The following CSMD3 variants were observed in gnomAD, a reference collection of about 807,000 sequenced individuals.
CSMD3 encodes CUB and Sushi multiple domains 3, also known as CUB and sushi domain-containing protein 3.
In CSMD3, 177 loss-of-function variants were observed where a neutral mutation model predicts 435.2. The ratio of observed to expected loss-of-function variants is 0.41; its 90% confidence interval spans 0.36 to 0.46. The LOEUF (loss-of-function observed/expected upper bound fraction) is 0.46. CSMD3 is among the 20% of genes least tolerant of loss of function. The pLI is 0.34. For missense variants in CSMD3, 4,265 were observed against 4,504.6 expected, an observed-to-expected ratio of 0.95 and a Z score of 1.52; for synonymous variants, 1,656 against 1,520.5, an observed-to-expected ratio of 1.09 and a Z score of -2.07.
At chr8:113,288,233 T>C (rs923877877) in intron 2 of CSMD3, among the ~76,000 whole-genome samples, 1 of 151,844 alleles carries the variant, frequency 6.6e-6, no homozygotes, top group African/African-American at 2.4e-5. Context: ...ATGGCTGATA[T>C]TTAAAGTAGA....
chr8:112,957,296 G>C (rs1034752754), intron 7 of CSMD3, among the ~76,000 whole-genome samples: 1 of 152,046 alleles, frequency 6.6e-6, no homozygotes, highest in Non-Finnish European at 1.5e-5. Flanking sequence ...TCAGTAATAA[G>C]CATGTAAAAT....
intron 17 of CSMD3, among the ~76,000 whole-genome samples, chr8:112,660,265 C>A (rs944140164): frequency 5.9e-5 from 9 of 152,142 alleles, no homozygotes; most frequent in Middle Eastern, 3.4e-3. Flanking sequence ...AAAAATAAAG[C>A]ACCAAGACAT....
intron 4 of CSMD3, among the ~76,000 whole-genome samples, chr8:113,167,847 T>G (rs571830149): frequency 6.6e-6 from 1 of 152,320 alleles, no homozygotes; most frequent in African/African-American, 2.4e-5. Flanking sequence ...ATTAAGAAAC[T>G]AGATCTCTAT....
At chr8:112,952,883 A>G (rs1160380620) in intron 8 of CSMD3, among the ~76,000 whole-genome samples, 1 of 151,432 alleles carries the variant, frequency 6.6e-6, no homozygotes, top group African/African-American at 2.4e-5. Context: ...TTTTTTTCCT[A>G]GATATACACC....
At chr8:112,855,974 C>T (rs997619537) in intron 11 of CSMD3, among the ~76,000 whole-genome samples, 7 of 151,640 alleles carry the variant, frequency 4.6e-5, no homozygotes, top group African/African-American at 1.7e-4. Flanking sequence ...CTTGGAAAAA[C>T]AAGTATAAGA....
At chr8:112,405,890 T>C (rs113945965) in intron 35 of CSMD3, among the ~76,000 whole-genome samples, 1,734 of 152,196 alleles carry the variant, frequency 0.011, 32 homozygotes, top group African/African-American at 0.04. Flanking sequence ...ATAATATTTA[T>C]TTCAAAGGAT....
intron 10 of CSMD3, among the ~76,000 whole-genome samples, chr8:112,893,526 T>C (rs1027633190): frequency 1.4e-4 from 21 of 151,610 alleles, no homozygotes; most frequent in African/African-American, 4.1e-4. Context: ...CTGGCTTAGA[T>C]AAAGTAACTA....
chr8:112,416,853 T>C (rs1811967193), intron 32 of CSMD3, among the ~76,000 whole-genome samples: 1 of 151,940 alleles, frequency 6.6e-6, no homozygotes, highest in African/African-American at 2.4e-5. Flanking sequence ...AGGGAAGAGA[T>C]TCAAATCCTA....
intron 59 of CSMD3, among the ~76,000 whole-genome samples, chr8:112,278,826 C>T (rs73709210): frequency 0.03 from 4,504 of 152,214 alleles, 230 homozygotes; most frequent in African/African-American, 0.1. Context: ...CATAGCACAG[C>T]TGTGGGCTTA....
Position 112,825,900 on chromosome 8 carries a change from G to A in CSMD3, c.1859+3786C>T, listed in dbSNP as rs568006828. 3.0e-4 allele frequency among the ~76,000 whole-genome samples: 45 copies of A among 152,228 alleles called. No homozygotes were observed. The Middle Eastern group carries it at 0.01, about 35-fold the overall frequency. ...TGCTTTGCTGAAAGGAAAATCACTC[G>A]TCTGGTCTGCCTGGATTGCCCAGAA... On this transcript the variant is annotated intron_variant, in intron 12 of 70. Transcript: ENST00000297405.
intron 31 of CSMD3, among the ~76,000 whole-genome samples, chr8:112,476,648 T>G (rs1312540488): frequency 2.6e-5 from 4 of 152,216 alleles, no homozygotes; most frequent in Non-Finnish European, 5.9e-5. Flanking sequence ...AATTGTAATT[T>G]TGCTGTACCA....
chr8:112,999,925 A>T (rs1272483573), intron 6 of CSMD3, among the ~76,000 whole-genome samples: 5 of 152,056 alleles, frequency 3.3e-5, no homozygotes, highest in Non-Finnish European at 7.4e-5. Context: ...TGAAATTCAT[A>T]TTGGAAATCT....
chr8:112,579,818 C>T (rs1044222297), intron 23 of CSMD3, among the ~76,000 whole-genome samples: 1 of 151,986 alleles, frequency 6.6e-6, no homozygotes, highest in African/African-American at 2.4e-5. Context: ...TCTAATTTTT[C>T]ATAAATGTGA....
chr8:112,994,715 T>A (rs1397215099), intron 6 of CSMD3, among the ~76,000 whole-genome samples: 1 of 151,576 alleles, frequency 6.6e-6, no homozygotes, highest in East Asian at 1.9e-4. Context: ...TCACACATCT[T>A]CATATTCAGG....
intron 3 of CSMD3, among the ~76,000 whole-genome samples, chr8:113,181,056 A>G (rs2092415077): frequency 1.3e-5 from 2 of 151,908 alleles, no homozygotes; most frequent in African/African-American, 2.4e-5. Context: ...TTATTATTTT[A>G]ACTTATTGAA....
At chr8:112,353,586 A>G (rs1241485381) in intron 38 of CSMD3, among the ~76,000 whole-genome samples, 2 of 152,282 alleles carry the variant, frequency 1.3e-5, no homozygotes, top group East Asian at 3.9e-4. Flanking sequence ...ACCTCCCAAG[A>G]TAGAATTTTT....
At chr8:112,886,438 T>C (rs920210352) in intron 10 of CSMD3, among the ~76,000 whole-genome samples, 1 of 151,476 alleles carries the variant, frequency 6.6e-6, no homozygotes. Flanking sequence ...AATATGTTCC[T>C]GTTATCTTGT....
chr8:112,852,739 G>A (rs568194039), intron 11 of CSMD3, among the ~76,000 whole-genome samples: 3 of 151,994 alleles, frequency 2.0e-5, no homozygotes, highest in Non-Finnish European at 4.4e-5. Context: ...TGGCTAACAC[G>A]GTGAAACCCC....
intron 2 of CSMD3, among the ~76,000 whole-genome samples, chr8:113,306,621 T>C (rs1253478969): frequency 6.6e-6 from 1 of 152,134 alleles, no homozygotes; most frequent in Non-Finnish European, 1.5e-5. Context: ...AGATTTTAAT[T>C]GTGAGTATTA....
Sources: gnomAD v4.1 joint callset for allele counts (sites outside exome capture counted in the v4.1 genomes callset) on GRCh38, gnomAD v4.1.1 for gene constraint, MANE v1.5 for transcripts, NCBI Gene and HGNC (gene_info 2026-07-23, HGNC 2026-07-21) for gene names.